DYRK3: variants seen among roughly 807,000 people sequenced by gnomAD.
The protein encoded by DYRK3 is dual specificity tyrosine-phosphorylation-regulated kinase 3.
Under a neutral mutation model 40.8 loss-of-function variants are expected in DYRK3, and 30 were observed. The observed-to-expected ratio is 0.74, with a 90% CI of 0.55 to 1.00. The LOEUF (loss-of-function observed/expected upper bound fraction) is 1.00. Among genes scored for constraint, DYRK3 ranks in the 50% least tolerant of loss-of-function variants. The pLI, the probability that DYRK3 is intolerant of heterozygous loss-of-function variation, is 0.00. For missense variants in DYRK3, 699 were observed against 731.5 expected (o/e 0.96, Z 0.51); for synonymous variants, 272 against 260.7 (o/e 1.04, Z -0.42).
chr1:206,642,902 A>G (rs745477742), intron 2 of DYRK3, among the ~76,000 whole-genome samples: 4 of 151,722 alleles, frequency 2.6e-5, no homozygotes, highest in Non-Finnish European at 4.4e-5. Flanking sequence ...CGTGTGGTGC[A>G]CATGTACCCT....
In DYRK3 at chr1:206,648,997, G is replaced by A. The variant is rs1029374889; in HGVS notation, c.*32G>A. The A allele has an allele frequency of 1.9e-6, 3 of 1,539,144 alleles. No individual in the cohort carries two copies. Among genetic ancestry groups the A allele is most frequent in the Non-Finnish European group, 2.6e-6 (3 of 1,141,450 alleles). ...GAGATATGCCCAGAGATGCATATGTGTATATTTTTATGATCTTACAAACCT... is the reference window on the plus strand; with the variant it reads ...GAGATATGCCCAGAGATGCATATGTATATATTTTTATGATCTTACAAACCT... On this transcript the variant is annotated 3_prime_UTR_variant, in exon 3 of 3. Coordinates refer to ENST00000367109, the MANE Select transcript of DYRK3 (RefSeq NM_003582.4).
At chr1:206,636,773 T>A (rs565912771) in intron 1 of DYRK3, 13 of 621,282 alleles carry the variant, frequency 2.1e-5, no homozygotes, top group African/African-American at 1.8e-4. Flanking sequence ...TGCTGATGTG[T>A]GTAACTGGGA....
rs1671606496 is a variant in DYRK3, at chr1:206,650,617, G to A, written c.*1652G>A. Among the ~76,000 whole-genome samples the A allele has an allele frequency of 7.4e-6, 1 of 135,500 alleles. No individual in the cohort carries two copies. The highest frequency in any genetic ancestry group is 1.7e-5 in the Non-Finnish European group (1 of 57,866). 88.9% of individuals were successfully genotyped at this position (135,500 alleles called of 152,430 possible). ...ACAATATAGTTCTCAGAATGATCCA[G>A]TTCCATTTATTATTCTAGAATGTGG... is the stretch of plus-strand genomic sequence containing the variant. On this transcript the variant is annotated 3_prime_UTR_variant, in exon 3 of 3. Coordinates refer to ENST00000367109, the MANE Select transcript of DYRK3 (RefSeq NM_003582.4).
chr1:206,636,242 G>A (rs896360760), intron 1 of DYRK3: 5 of 361,206 alleles, frequency 1.4e-5, no homozygotes, highest in Non-Finnish European at 2.8e-5. Context: ...GCTATGCTGG[G>A]TACGGCTTTC....
chr1:206,647,215 TTAA>T (rs2102341878), intron 2 of DYRK3, among the ~76,000 whole-genome samples, 170 bp from the exon 3 acceptor site: 1 of 152,290 alleles, frequency 6.6e-6, no homozygotes, highest in East Asian at 1.9e-4. Context: ...AGTCTGAAAA[TTAA>T]TATAACACAA....
intron 2 of DYRK3, among the ~76,000 whole-genome samples, chr1:206,638,270 C>CT (rs55807350): frequency 0.41 from 29,537 of 72,212 alleles, 6,311 homozygotes; most frequent in Non-Finnish European, 0.43. Context: ...AGACACTTAG[C>CT]TTTTTTTTTT....
At chr1:206,647,298 A>C (rs1166066412) in intron 2 of DYRK3, 90 bp from the exon 3 acceptor site, 25 of 1,277,006 alleles carry the variant, frequency 2.0e-5, no homozygotes, top group Non-Finnish European at 2.6e-5. Flanking sequence ...ACATGACTGG[A>C]CATGTTTTGT....
At chr1:206,638,226 G>T (rs1413712040) in intron 2 of DYRK3, among the ~76,000 whole-genome samples, 1 of 148,396 alleles carries the variant, frequency 6.7e-6, no homozygotes, top group Non-Finnish European at 1.5e-5. Context: ...ACAACAGTTT[G>T]GTTTTTAATG....
At chr1:206,640,162 C>T (rs1402566866) in intron 2 of DYRK3, among the ~76,000 whole-genome samples, 15 of 151,810 alleles carry the variant, frequency 9.9e-5, no homozygotes, top group Non-Finnish European at 2.1e-4. Flanking sequence ...TCCCGAACCC[C>T]TGACCTCAGG....
rs1671710705 is a variant in DYRK3 at position 206,654,763 on chromosome 1, C to T, written c.*5798C>T. Among the ~76,000 whole-genome samples, 1 of 152,222 alleles carries T rather than the reference C, an allele frequency of 6.6e-6. No individual in the cohort carries two copies. The highest frequency in any genetic ancestry group is 1.5e-5 in the Non-Finnish European group (1 of 68,048). ...CCACAACCCCTGAGAGAAGCCAGAA[C>T]TACAAATGCATCGTCTAGACTTTGA... On this transcript the variant is annotated 3_prime_UTR_variant, in exon 3 of 3. Transcript: ENST00000367109.
At chr1:206,636,079 C>T in intron 1 of DYRK3, 4 of 1,519,230 alleles carry the variant, frequency 2.6e-6, no homozygotes, top group Non-Finnish European at 3.5e-6. Flanking sequence ...TTACGAAAAT[C>T]TAGGACTTTT....
chr1:206,638,781 A>C (rs1558554916), intron 2 of DYRK3, among the ~76,000 whole-genome samples: 1 of 151,778 alleles, frequency 6.6e-6, no homozygotes. Flanking sequence ...TTCTGTGTTT[A>C]AGACCTGAAA....
At position 206,652,155 on chromosome 1, in the gene DYRK3, A is replaced by G. The variant is rs1204980611; in HGVS notation, c.*3190A>G. 6.6e-6 allele frequency among the ~76,000 whole-genome samples: 1 copy of G among 152,222 alleles called. No individual in the cohort carries two copies. The highest frequency in any genetic ancestry group is 1.5e-5 in the Non-Finnish European group (1 of 68,038). ...ACACAGATCTGAAGTCTCTAACACC[A>G]TATTGCTGTTGTCCTGAATTTTCTA... On this transcript the variant is annotated 3_prime_UTR_variant, in exon 3 of 3. Coordinates refer to ENST00000367109, the MANE Select transcript of DYRK3 (RefSeq NM_003582.4).
Position 206,652,722 on chromosome 1 carries a change from T to C in DYRK3, c.*3757T>C, listed in dbSNP as rs543444261. Among the ~76,000 whole-genome samples the C allele has an allele frequency of 5.3e-5, 8 of 152,340 alleles. No individual in the cohort carries two copies. In the East Asian group the frequency reaches 5.8e-4, roughly 11 times the overall value. ...AAGCTTAGGGACAAGTTGTGGTTTT[T>C]AGAGGCAGTAACTCTATGCCACCTT... On this transcript the variant is annotated 3_prime_UTR_variant, in exon 3 of 3. Transcript: ENST00000367109.
intron 1 of DYRK3, chr1:206,636,774 G>GT (rs1481461876): frequency 1.6e-6 from 1 of 635,488 alleles, no homozygotes; most frequent in Non-Finnish European, 2.6e-6. Flanking sequence ...GCTGATGTGT[G>GT]TAACTGGGAA....
At chr1:206,638,347 G>A (rs1671181351) in intron 2 of DYRK3, among the ~76,000 whole-genome samples, 1 of 142,074 alleles carries the variant, frequency 7.0e-6, no homozygotes, top group South Asian at 2.2e-4. Context: ...CATGATCTTG[G>A]CTCACTGCAA....
rs1340909887 is a variant in DYRK3 at position 206,651,140 on chromosome 1, G to A, written c.*2175G>A. On this transcript the variant is annotated 3_prime_UTR_variant, in exon 3 of 3. Transcript: ENST00000367109. The stretch of plus-strand genomic sequence containing the variant: ...TTTTCTTGTCTGATAGTGGCATCTT[G>A]ATCTCTTCAGATGTCACACTAAATG... Among the ~76,000 whole-genome samples, 2 of 152,086 alleles carry A rather than the reference G, an allele frequency of 1.3e-5. No individual in the cohort carries two copies. The highest frequency in any genetic ancestry group is 2.9e-5 in the Non-Finnish European group (2 of 68,012).
intron 1 of DYRK3, chr1:206,636,098 T>C: frequency 6.8e-7 from 1 of 1,465,282 alleles, no homozygotes; most frequent in Non-Finnish European, 9.2e-7. Flanking sequence ...TTTGTGGGGC[T>C]TTTTATTAAA....
Position 206,649,145 on chromosome 1 carries a change from C to G in DYRK3, c.*180C>G. On this transcript the variant is annotated 3_prime_UTR_variant, in exon 3 of 3. Transcript: ENST00000367109. ...CTTCAAGGGCTAATTACCTAACCAG[C>G]TTGTATTGGCCATCTGGAATATGCA... 1.6e-6 allele frequency: 1 copy of G among 608,432 alleles called. No homozygotes were observed. Among genetic ancestry groups the G allele is most frequent in the Non-Finnish European group, 2.7e-6 (1 of 365,312 alleles). 37.7% of individuals were successfully genotyped at this position (608,432 alleles called of 1,614,324 possible). A position where few individuals can be genotyped will look rare whatever the true frequency, so the allele number is the denominator to read the frequency against.
Sources: gnomAD v4.1 joint callset for allele counts (sites outside exome capture counted in the v4.1 genomes callset) on GRCh38, gnomAD v4.1.1 for gene constraint, MANE v1.5 for transcripts, NCBI Gene and HGNC (gene_info 2026-07-23, HGNC 2026-07-21) for gene names.